The following SLC8A1 variants were observed in gnomAD, a reference collection of about 807,000 sequenced individuals.
SLC8A1 encodes sodium/calcium exchanger 1.
A neutral mutation model predicts 68.3 loss-of-function variants in SLC8A1; 18 were observed. That is an observed-to-expected ratio of 0.26 (90% CI 0.18 to 0.39). SLC8A1 has a LOEUF of 0.39. Ranked by LOEUF, SLC8A1 falls within the 10% of genes least tolerant of loss-of-function variation. The pLI is 1.00. For synonymous variants in SLC8A1, 475 were observed against 415.5 expected, an observed-to-expected ratio of 1.14 and a Z score of -1.74; for missense variants, 985 against 1,156.7, an observed-to-expected ratio of 0.85 and a Z score of 2.15.
chr2:40,430,278 C>T (rs1171952561), exon 2 of SLC8A1: 1 of 1,603,590 alleles, frequency 6.2e-7, no homozygotes, highest in South Asian at 1.1e-5. Flanking sequence ...GCATGTTGTA[C>T]ATGACACTTC....
At chr2:40,468,125 T>C (rs1703799127) in intron 1 of SLC8A1, among the ~76,000 whole-genome samples, 1 of 152,106 alleles carries the variant, frequency 6.6e-6, no homozygotes, top group Non-Finnish European at 1.5e-5. Flanking sequence ...TTATTTTAAT[T>C]TGATCTACAT....
At chr2:40,349,905 C>G (rs1270497416) in intron 2 of SLC8A1, among the ~76,000 whole-genome samples, 1 of 152,108 alleles carries the variant, frequency 6.6e-6, no homozygotes. Flanking sequence ...GTTTCTATTT[C>G]CCTAAGAGGG....
chr2:40,160,016 G>C (rs1247554196), intron 6 of SLC8A1, among the ~76,000 whole-genome samples: 1 of 152,160 alleles, frequency 6.6e-6, no homozygotes, highest in Non-Finnish European at 1.5e-5. Context: ...TCTTTAAAGA[G>C]AGCCAGTGTA....
chr2:40,507,186 T>C (rs531148991), intron 1 of SLC8A1, among the ~76,000 whole-genome samples: 6 of 152,080 alleles, frequency 3.9e-5, no homozygotes, highest in Non-Finnish European at 8.8e-5. Context: ...AATACTAACT[T>C]TCCTTTAAAT....
intron 2 of SLC8A1, among the ~76,000 whole-genome samples, chr2:40,235,298 A>G (rs923998777): frequency 2.6e-5 from 4 of 152,076 alleles, no homozygotes; most frequent in African/African-American, 9.7e-5. Flanking sequence ...GTCTATTCAG[A>G]GATTCAACTT....
intron 5 of SLC8A1, among the ~76,000 whole-genome samples, chr2:40,163,880 C>T (rs2046102968): frequency 2.0e-5 from 3 of 152,134 alleles, no homozygotes. Flanking sequence ...ATGGATCCAG[C>T]TAAAGGAAAA....
At chr2:40,201,383 T>G (rs2054332663) in intron 2 of SLC8A1, among the ~76,000 whole-genome samples, 1 of 151,940 alleles carries the variant, frequency 6.6e-6, no homozygotes, top group South Asian at 2.1e-4. Flanking sequence ...TATATTATTT[T>G]TGTGGTAAAT....
chr2:40,340,583 G>T (rs1667381460), intron 2 of SLC8A1, among the ~76,000 whole-genome samples: 1 of 152,124 alleles, frequency 6.6e-6, no homozygotes, highest in Non-Finnish European at 1.5e-5. Flanking sequence ...AAGGGAGAAA[G>T]GGAGTTGGGG....
chr2:40,193,410 G>GTAAACCAAAGAT (rs1257345176), intron 2 of SLC8A1, among the ~76,000 whole-genome samples: 4 of 152,242 alleles, frequency 2.6e-5, no homozygotes, highest in African/African-American at 9.6e-5. Context: ...GGATAGGCAT[G>GTAAACCAAAGAT]TAAACCAAAG....
intron 2 of SLC8A1, among the ~76,000 whole-genome samples, chr2:40,277,803 TA>T (rs1439161872): frequency 4.0e-5 from 3 of 74,550 alleles, no homozygotes; most frequent in Non-Finnish European, 7.4e-5. Flanking sequence ...TGTATATATA[TA>T]TATATATATA....
chr2:40,440,565 C>G (rs1241941346), intron 1 of SLC8A1, among the ~76,000 whole-genome samples: 1 of 152,100 alleles, frequency 6.6e-6, no homozygotes, highest in Non-Finnish European at 1.5e-5. Context: ...GACGTAATCT[C>G]TCTCCTTAAG....
chr2:40,243,042 G>A (rs968232468), intron 2 of SLC8A1, among the ~76,000 whole-genome samples: 1 of 152,172 alleles, frequency 6.6e-6, no homozygotes, highest in African/African-American at 2.4e-5. Flanking sequence ...GTGGATACGA[G>A]TGTCTACTGA....
intron 2 of SLC8A1, among the ~76,000 whole-genome samples, chr2:40,368,109 T>C (rs1298862884): frequency 2.0e-5 from 3 of 152,066 alleles, no homozygotes; most frequent in African/African-American, 7.2e-5. Context: ...AGTTATCTTG[T>C]TGCTTCTTTT....
At chr2:40,208,650 A>G (rs1241345654) in intron 2 of SLC8A1, among the ~76,000 whole-genome samples, 6 of 152,184 alleles carry the variant, frequency 3.9e-5, no homozygotes, top group African/African-American at 1.2e-4. Flanking sequence ...ACTCTGCTCT[A>G]TGATCCTATA....
chr2:40,188,881 C>CA (rs778575937), intron 2 of SLC8A1, among the ~76,000 whole-genome samples: 23 of 152,110 alleles, frequency 1.5e-4, no homozygotes, highest in Non-Finnish European at 3.1e-4. Flanking sequence ...AGATGGATGC[C>CA]AGATATTTTC....
chr2:40,420,145 T>C (rs1453431974), intron 2 of SLC8A1, among the ~76,000 whole-genome samples: 1 of 152,178 alleles, frequency 6.6e-6, no homozygotes, highest in Non-Finnish European at 1.5e-5. Flanking sequence ...AAAAATTCTA[T>C]GTGCTGCGGA....
chr2:40,143,834 A>G (rs186252517), intron 6 of SLC8A1, among the ~76,000 whole-genome samples: 2 of 152,258 alleles, frequency 1.3e-5, no homozygotes, highest in African/African-American at 4.8e-5. Flanking sequence ...GCTTGAATTC[A>G]GGGAGAGCTC....
intron 2 of SLC8A1, among the ~76,000 whole-genome samples, chr2:40,367,625 G>A (rs748374038): frequency 7.2e-5 from 11 of 151,828 alleles, no homozygotes; most frequent in African/African-American, 1.5e-4. Flanking sequence ...GTGCTGCTCC[G>A]CCATAATTGT....
intron 2 of SLC8A1, among the ~76,000 whole-genome samples, chr2:40,355,122 A>T (rs1352278547): frequency 6.6e-6 from 1 of 152,126 alleles, no homozygotes; most frequent in Non-Finnish European, 1.5e-5. Flanking sequence ...TATGGGGAGG[A>T]GTTAAAGTAA....
Sources: allele counts gnomAD v4.1 joint callset (sites outside exome capture counted in the v4.1 genomes callset), GRCh38; gene constraint gnomAD v4.1.1; transcripts MANE v1.5; gene names NCBI Gene and HGNC (gene_info 2026-07-23, HGNC 2026-07-21).